Variants in ARAP1 observed in about 807,000 individuals in gnomAD.
ARAP1 encodes ArfGAP with RhoGAP domain, ankyrin repeat and PH domain 1, also known as arf-GAP with Rho-GAP domain, ANK repeat and PH domain-containing protein 1.
A neutral mutation model predicts 172.2 loss-of-function variants in ARAP1; 76 were observed. The ratio of observed to expected loss-of-function variants is 0.44; its 90% CI spans 0.37 to 0.53. The LOEUF (loss-of-function observed/expected upper bound fraction) is 0.53, where lower values mean the gene tolerates loss of function less well. Ranked by LOEUF, ARAP1 falls within the 20% of genes least tolerant of loss-of-function variation. The probability of loss-of-function intolerance (pLI) is 0.00; values close to 1 mark genes in which losing one functional copy is unlikely to be tolerated. For synonymous variants in ARAP1, 804 were observed against 803.3 expected, an observed-to-expected ratio of 1.00 and a Z score of -0.01; for missense variants, 1,686 against 1,977.5, an observed-to-expected ratio of 0.85 and a Z score of 2.80.
intron 5 of ARAP1, 106 bp downstream of exon 5, chr11:72,713,070 C>A: frequency 4.9e-6 from 6 of 1,227,764 alleles, no homozygotes; most frequent in Middle Eastern, 2.0e-4. Context: ...GGAAGCCTCC[C>A]GGGAAATGGC....
chr11:72,743,018 T>G (rs1858248487), intron 1 of ARAP1, among the ~76,000 whole-genome samples: 2 of 152,198 alleles, frequency 1.3e-5, no homozygotes, highest in Non-Finnish European at 2.9e-5. Flanking sequence ...CCTCCTCAAA[T>G]GCAAGGCCTT....
Position 72,726,905 on chromosome 11 carries a change from G to C in ARAP1, c.224C>G (p.Pro75Arg), listed in dbSNP as rs752030866. The C allele has an allele frequency of 6.3e-7, 1 of 1,586,558 alleles. No individual in the cohort carries two copies. The highest frequency in any genetic ancestry group is 8.6e-7 in the Non-Finnish European group (1 of 1,166,558). Residue 75 changes from proline to arginine, a missense_variant, in exon 3 of 35, where the codon CCC becomes CGC. This residue lies in a region of ARAP1 where 190 missense variants were observed against 228.6 expected (regional missense o/e 0.83). Transcript: ENST00000393609. This position sits in a 1 kb window ranked among gnomAD's most constrained non-coding sequence, Gnocchi z 6.5. Reference protein sequence around the residue: ...LRAHTSPAPAPRPTPRPVPMK... With the variant: ...LRAHTSPAPARRPTPRPVPMK... ...GGGCACAGGCCGTGGGGTGGGGCGG[G>C]GTGCAGGGGCCGGTGAGGTATGGGC...
chr11:72,748,341 G>A (rs1858433685), intron 1 of ARAP1, among the ~76,000 whole-genome samples: 1 of 152,096 alleles, frequency 6.6e-6, no homozygotes, highest in South Asian at 2.1e-4. Flanking sequence ...CCAACATGGT[G>A]AAACCCCGTC....
In ARAP1 at chr11:72,693,115, C is replaced by T. The variant is rs1856010967; in HGVS notation, c.3954+210G>A. ...GGAGTGGTGTGATGGCATCCGGGTG[C>T]CAGGGCTTAGTGGGGCTACAGGGCA... On this transcript the variant is annotated intron_variant, in intron 29 of 34. Transcript: ENST00000393609. This position sits in a 1 kb window ranked among gnomAD's most constrained non-coding sequence, Gnocchi z 4.6. 10 of 744,766 alleles carry T rather than the reference C, an allele frequency of 1.3e-5. No individual in the cohort carries two copies. The South Asian group carries it at 1.9e-4, about 14-fold the overall frequency. The allele number at this position is 744,766 out of a possible 1,614,324, so 46.1% of individuals were successfully genotyped here. A position where few individuals can be genotyped will look rare whatever the true frequency, so the allele number is the denominator to read the frequency against.
intron 14 of ARAP1, chr11:72,703,946 C>G (rs779950612): frequency 3.3e-6 from 2 of 604,062 alleles, no homozygotes; most frequent in East Asian, 3.1e-5. Context: ...GCCCTTGGCC[C>G]AAGGGTCAGG....
chr11:72,704,451 A>G (rs1856662156), intron 13 of ARAP1, 117 bp from the exon 14 acceptor site: 1 of 1,183,478 alleles, frequency 8.4e-7, no homozygotes, highest in African/African-American at 1.5e-5. Context: ...CCATCTGCCC[A>G]CTTTCCCAAT....
intron 1 of ARAP1, among the ~76,000 whole-genome samples, chr11:72,738,348 T>G (rs1858098213): frequency 6.6e-6 from 1 of 152,092 alleles, no homozygotes; most frequent in African/African-American, 2.4e-5. Flanking sequence ...GCATTCTGAT[T>G]TGCATGAGTC....
At chr11:72,687,262 G>A (rs534214870) in intron 33 of ARAP1, 177 bp downstream of exon 33, 5 of 786,204 alleles carry the variant, frequency 6.4e-6, no homozygotes, top group African/African-American at 5.2e-5. Context: ...GCTTGGGGCT[G>A]GACTAACAGT....
At chr11:72,697,803 G>A (rs763737852) in intron 19 of ARAP1, 108 bp downstream of exon 19, 140 of 1,323,336 alleles carry the variant, frequency 1.1e-4, no homozygotes, top group East Asian at 3.4e-4. Flanking sequence ...GCAGGATGGC[G>A]GCTCTGGCCA....
Position 72,688,007 on chromosome 11 carries a change from G to GT in ARAP1, c.4071-270dup, listed in dbSNP as rs11307815. On this transcript the variant is annotated intron_variant, in intron 31 of 34. Coordinates refer to ENST00000393609, the MANE Select transcript of ARAP1 (RefSeq NM_001040118.3). The stretch of plus-strand genomic sequence containing the variant: ...TGAGAATTTGTGTTTTTTTGTTGTT[G>GT]TTTTTTTTTTGAGATAGGCTCTCAC... Among the ~76,000 whole-genome samples the GT allele has an allele frequency of 1.3e-4, 19 of 150,580 alleles. No homozygotes were observed. The South Asian group carries it at 2.3e-3, about 18-fold the overall frequency.
Position 72,698,048 on chromosome 11 carries a change from C to T in ARAP1, c.2600G>A (p.Arg867His), listed in dbSNP as rs374933451. 5.5e-5 allele frequency: 89 copies of T among 1,607,244 alleles called. No individual in the cohort carries two copies. Among genetic ancestry groups the T allele is most frequent in the Non-Finnish European group, 6.8e-5 (80 of 1,177,472 alleles). ...LLARDFERLGRLPYKAGLSLQ... is the reference protein window; with the variant it reads ...LLARDFERLGHLPYKAGLSLQ... Reference sequence around the variant, plus strand: ...GCTCAGGCCAGCTTTGTAGGGTAGGCGTCCCAGCCGCTCAAAATCCCGGGC... The same window carrying T: ...GCTCAGGCCAGCTTTGTAGGGTAGGTGTCCCAGCCGCTCAAAATCCCGGGC... Residue 867 changes from arginine (R) to histidine (H), a missense_variant, in exon 19 of 35, where the codon CGC becomes CAC. Physicochemically the swap from Arg to His is conservative, Grantham distance 29. Around this residue, in one of 5 missense-constraint regions of ARAP1, gnomAD observed 688 missense variants for 856.9 expected, o/e 0.80. Transcript: ENST00000393609.
chr11:72,749,159 G>A (rs534997559), intron 1 of ARAP1, among the ~76,000 whole-genome samples: 12 of 152,108 alleles, frequency 7.9e-5, no homozygotes, highest in Non-Finnish European at 1.6e-4. Flanking sequence ...AGGCTGCCTC[G>A]GTCACCACCC....
chr11:72,746,672 C>T (rs1858377098), intron 1 of ARAP1, among the ~76,000 whole-genome samples: 1 of 142,390 alleles, frequency 7.0e-6, no homozygotes, highest in African/African-American at 2.6e-5. Context: ...CTCCCCCCAA[C>T]CCCCTCCCCC....
chr11:72,727,238 C>T (rs1591232512), intron 2 of ARAP1, 66 bp from the exon 3 acceptor site: 3 of 1,320,040 alleles, frequency 2.3e-6, no homozygotes, highest in Non-Finnish European at 3.0e-6. Flanking sequence ...TCACCAGCAG[C>T]CTGCATGGCT....
chr11:72,712,354 G>A lies in ARAP1; in HGVS notation c.879-15C>T. 2 of 1,545,560 alleles carry A rather than the reference G, an allele frequency of 1.3e-6. No homozygotes were observed. The highest frequency in any genetic ancestry group is 1.2e-5 in the South Asian group (1 of 81,228). On this transcript the variant is annotated splice_polypyrimidine_tract_variant and intron_variant, in intron 6 of 34. Transcript: ENST00000393609. ...GCCATCCGCCACTAGCGAGAGATGA[G>A]GGGATGGGGGGCCGGGCTGAGGAGG...
Position 72,710,264 on chromosome 11 carries a change from CA to C in ARAP1, c.1416+120del. On this transcript the variant is annotated intron_variant, in intron 10 of 34. Transcript: ENST00000393609. The surrounding 1 kb of genome is among the most constrained non-coding windows in gnomAD (Gnocchi z 4.3). Reference sequence around the variant, plus strand: ...TTGGGGGAGCGAGGACATATCCAGGCAAAGGGCTGGGCCCAGTGCAGGAAAA... The same window carrying C: ...TTGGGGGAGCGAGGACATATCCAGGCAAGGGCTGGGCCCAGTGCAGGAAAA... 7.8e-7 allele frequency: 1 copy of C among 1,277,772 alleles called. No homozygotes were observed. Among genetic ancestry groups the C allele is most frequent in the Non-Finnish European group, 1.1e-6 (1 of 899,400 alleles). The allele number at this position is 1,277,772 out of a possible 1,614,324, so 79.2% of individuals were successfully genotyped here.
At chr11:72,690,340 T>C (rs1020462601) in intron 30 of ARAP1, among the ~76,000 whole-genome samples, 1 of 152,150 alleles carries the variant, frequency 6.6e-6, no homozygotes, top group African/African-American at 2.4e-5. Flanking sequence ...ATGTGTGTGA[T>C]GTAAGGGTGG....
In ARAP1 at chr11:72,687,735, C is replaced by T. The variant is rs776082058; in HGVS notation, c.4074G>A (p.Trp1358Ter). 1 of 1,614,130 alleles carries T rather than the reference C, an allele frequency of 6.2e-7. No individual in the cohort carries two copies. Among genetic ancestry groups the T allele is most frequent in the Non-Finnish European group, 8.5e-7 (1 of 1,180,024 alleles). ...VKKKLRPPTC[W>*]GFTVVHETEK... is the part of the protein sequence containing the mutation. ...CTGTCTCATGCACCACTGTGAAGCC[C>T]CAGCTACAGAGGAAGAAGGGAGAGA... The change falls in exon 32 of 35, where the codon TGG (tryptophan) becomes TGA (stop). Residue 1358 changes from tryptophan to a stop codon, truncating the protein, a stop_gained. Coordinates refer to ENST00000393609, the MANE Select transcript of ARAP1 (RefSeq NM_001040118.3). LOFTEE classifies it high-confidence loss of function.
intron 2 of ARAP1, among the ~76,000 whole-genome samples, chr11:72,728,544 G>A (rs1857767102): frequency 6.6e-6 from 1 of 152,108 alleles, no homozygotes; most frequent in South Asian, 2.1e-4. Context: ...TCATGCCACT[G>A]CACCCCAGCC....
Sources: gnomAD v4.1 joint callset for allele counts (sites outside exome capture counted in the v4.1 genomes callset) on GRCh38, gnomAD v4.1.1 for gene constraint, gnomAD v4.1.1 regional missense constraint, Gnocchi (gnomAD v3.1) non-coding constraint, MANE v1.5 for transcripts, NCBI Gene and HGNC (gene_info 2026-07-23, HGNC 2026-07-21) for gene names.